The following CNTLN variants were observed in gnomAD, a reference collection of about 807,000 sequenced individuals.
CNTLN encodes the protein centlein, centrosomal protein.
CNTLN carries 212 observed loss-of-function variants against 180.0 expected under a neutral mutation model. The observed-to-expected ratio is 1.18, with a 90% CI of 1.05 to 1.32. The LOEUF is 1.32. CNTLN is among the 40% of genes most tolerant of loss of function. The probability of loss-of-function intolerance (pLI) is 0.00; values close to 1 mark genes in which losing one functional copy is unlikely to be tolerated. For synonymous variants in CNTLN, 722 were observed against 563.1 expected (o/e 1.28, Z -3.99); for missense variants, 2,095 against 1,610.9 (o/e 1.30, Z -5.14).
intron 25 of CNTLN, among the ~76,000 whole-genome samples, chr9:17,489,542 G>A (rs1275829426): frequency 6.6e-6 from 1 of 151,488 alleles, no homozygotes; most frequent in Non-Finnish European, 1.5e-5. Flanking sequence ...TGTTTGATTG[G>A]GCCACAGAAT....
intron 2 of CNTLN, among the ~76,000 whole-genome samples, chr9:17,212,691 T>G (rs1194392329): frequency 6.6e-6 from 1 of 151,976 alleles, no homozygotes; most frequent in East Asian, 1.9e-4. Context: ...CTCCTGGACT[T>G]TTTTGGTTGG....
the CNTLN span, among the ~76,000 whole-genome samples, chr9:17,509,497 G>C: frequency 6.6e-6 from 1 of 152,180 alleles, no homozygotes; most frequent in African/African-American, 2.4e-5. Flanking sequence ...AATGAAGTGT[G>C]GCAATGGGCC....
At chr9:17,259,742 G>T (rs1177376569) in intron 5 of CNTLN, among the ~76,000 whole-genome samples, 1 of 150,190 alleles carries the variant, frequency 6.7e-6, no homozygotes, top group South Asian at 2.1e-4. Flanking sequence ...ATTTCTTCTA[G>T]ATTTTCTAGT....
At chr9:17,187,571 T>C (rs903113050) in intron 2 of CNTLN, among the ~76,000 whole-genome samples, 2 of 152,060 alleles carry the variant, frequency 1.3e-5, no homozygotes, top group African/African-American at 4.8e-5. Context: ...AATTATTTAC[T>C]TTTGTTTTAT....
At chr9:17,214,845 T>A (rs1326124526) in intron 2 of CNTLN, among the ~76,000 whole-genome samples, 3 of 152,234 alleles carry the variant, frequency 2.0e-5, no homozygotes, top group East Asian at 3.9e-4. Flanking sequence ...TTGATCAAAT[T>A]GGCTACTGAA....
At chr9:17,247,934 A>G (rs2132250929) in intron 5 of CNTLN, among the ~76,000 whole-genome samples, 1 of 151,338 alleles carries the variant, frequency 6.6e-6, no homozygotes, top group South Asian at 2.1e-4. Context: ...AGGCTCAAAC[A>G]ATCCTCCAAC....
rs185811424 is a variant in CNTLN at position 17,179,520 on chromosome 9, A to G, written c.449+36144A>G. Among the ~76,000 whole-genome samples, 245 of 152,270 alleles carry G rather than the reference A, an allele frequency of 1.6e-3. 3 individuals are homozygous for G. The highest frequency in any genetic ancestry group is 5.0e-4 in the Non-Finnish European group (34 of 68,006). On this transcript the variant is annotated intron_variant, in intron 2 of 25. Transcript: ENST00000380647. The stretch of plus-strand genomic sequence containing the variant: ...TGCCAGATTTTTAGTTTGATTTCAT[A>G]TGGTCAGAGAATGTACTCTGTGATT...
intron 23 of CNTLN, among the ~76,000 whole-genome samples, chr9:17,482,990 C>T (rs1478292282): frequency 1.1e-4 from 17 of 151,712 alleles, no homozygotes; most frequent in African/African-American, 2.4e-5. Flanking sequence ...TAAAGTATCC[C>T]GCTAAATTCA....
chr9:17,383,932 C>G (rs1361416636), intron 13 of CNTLN, among the ~76,000 whole-genome samples: 1 of 152,096 alleles, frequency 6.6e-6, no homozygotes, highest in Non-Finnish European at 1.5e-5. Flanking sequence ...GCCACCTTGC[C>G]CGGCCCGTAA....
At chr9:17,493,260 T>A (rs1053375160) in intron 25 of CNTLN, among the ~76,000 whole-genome samples, 2 of 152,120 alleles carry the variant, frequency 1.3e-5, no homozygotes, top group Non-Finnish European at 2.9e-5. Flanking sequence ...AAACAATTTT[T>A]AAAAAATCTA....
the CNTLN span, among the ~76,000 whole-genome samples, chr9:17,513,821 C>G: frequency 1.3e-5 from 2 of 152,074 alleles, no homozygotes; most frequent in South Asian, 4.2e-4. Flanking sequence ...TATAACGAAG[C>G]TGATCTTTAC....
chr9:17,478,015 C>A (rs1038184506), intron 23 of CNTLN, among the ~76,000 whole-genome samples: 3 of 152,202 alleles, frequency 2.0e-5, no homozygotes, highest in Admixed American at 6.5e-5. Flanking sequence ...CTGTCAGCAA[C>A]CATCACCCTA....
intron 5 of CNTLN, among the ~76,000 whole-genome samples, chr9:17,241,074 G>A (rs1360079301): frequency 6.6e-6 from 1 of 152,076 alleles, no homozygotes; most frequent in African/African-American, 2.4e-5. Context: ...TAGCCAGGAT[G>A]GTCTCGATCT....
chr9:17,434,192 G>A (rs985861229), intron 18 of CNTLN, among the ~76,000 whole-genome samples: 11 of 152,080 alleles, frequency 7.2e-5, no homozygotes, highest in African/African-American at 2.6e-4. Context: ...TCAAGAGCCA[G>A]CTTTTTGTTT....
At chr9:17,316,501 T>G (rs553545004) in intron 8 of CNTLN, among the ~76,000 whole-genome samples, 2 of 152,200 alleles carry the variant, frequency 1.3e-5, no homozygotes, top group South Asian at 4.1e-4. Context: ...GAAAGTGCAT[T>G]TTTGACATAA....
chr9:17,512,936 C>T, the CNTLN span, among the ~76,000 whole-genome samples: 1 of 152,158 alleles, frequency 6.6e-6, no homozygotes, highest in Non-Finnish European at 1.5e-5. Flanking sequence ...CCTGCCTCAG[C>T]GTCCCGAGTA....
intron 3 of CNTLN, among the ~76,000 whole-genome samples, chr9:17,229,393 C>T (rs1433876624): frequency 1.3e-5 from 2 of 152,000 alleles, no homozygotes; most frequent in Non-Finnish European, 2.9e-5. Flanking sequence ...AGAAATGTGA[C>T]ATTATGGGGT....
intron 13 of CNTLN, among the ~76,000 whole-genome samples, chr9:17,370,074 A>G (rs1021306086): frequency 2.0e-5 from 3 of 152,202 alleles, no homozygotes; most frequent in African/African-American, 7.2e-5. Flanking sequence ...TAGCCTCAAA[A>G]GGGAAAATGT....
chr9:17,292,671 A>G (rs1415001050), intron 6 of CNTLN, among the ~76,000 whole-genome samples: 2 of 152,046 alleles, frequency 1.3e-5, no homozygotes, highest in African/African-American at 4.8e-5. Context: ...TGTTCCTTTC[A>G]AACTAATTAT....
Sources: allele counts gnomAD v4.1 joint callset (sites outside exome capture counted in the v4.1 genomes callset), GRCh38; gene constraint gnomAD v4.1.1; transcripts MANE v1.5; gene names NCBI Gene and HGNC (gene_info 2026-07-23, HGNC 2026-07-21).